Variants in NTM observed in about 807,000 individuals in gnomAD.
The protein encoded by NTM is neurotrimin.
Under a neutral mutation model 42.1 loss-of-function variants are expected in NTM, and 13 were observed. The ratio of observed to expected loss-of-function variants is 0.31; its 90% CI spans 0.20 to 0.49. The LOEUF is 0.49. NTM is among the 20% of genes least tolerant of loss of function. NTM has a pLI of 0.99. For synonymous variants in NTM, 187 were observed against 179.2 expected (o/e 1.04, Z -0.35); for missense variants, 373 against 452.8 (o/e 0.82, Z 1.60).
intron 2 of NTM, among the ~76,000 whole-genome samples, chr11:131,990,106 C>G (rs2066760938): frequency 6.6e-6 from 1 of 152,186 alleles, no homozygotes; most frequent in Non-Finnish European, 1.5e-5. Context: ...GTACATTTGG[C>G]AGAATAAATT....
At chr11:131,443,666 T>C (rs1486804537) in intron 1 of NTM, among the ~76,000 whole-genome samples, 6 of 152,194 alleles carry the variant, frequency 3.9e-5, no homozygotes, top group African/African-American at 1.4e-4. Flanking sequence ...TTTATTCAAT[T>C]TTAATGAGTA....
At chr11:132,295,369 G>T (rs74984494) in intron 4 of NTM, among the ~76,000 whole-genome samples, 4,186 of 152,112 alleles carry the variant, frequency 0.028, 201 homozygotes, top group African/African-American at 0.095. Context: ...CCCCTTCTAC[G>T]TGCTAAACCT....
chr11:132,273,228 C>G (rs1565356603), intron 4 of NTM, among the ~76,000 whole-genome samples: 2 of 149,110 alleles, frequency 1.3e-5, no homozygotes, highest in Non-Finnish European at 3.0e-5. Flanking sequence ...GATGTTGAAC[C>G]AATTTTGCAT....
Position 132,146,792 on chromosome 11 carries a change from C to T in NTM, c.400+278C>T. ...ATTGCTCTTCTTGGCTTTTTTCTCC[C>T]CTAAGTTTTAGTTATTTTTGTTTGT... On this transcript the variant is annotated intron_variant, in intron 3 of 8. Coordinates refer to ENST00000683400, the MANE Select transcript of NTM (RefSeq NM_001352005.2). This position sits in a 1 kb window ranked among gnomAD's most constrained non-coding sequence, Gnocchi z 4.5. 1 of 412,188 alleles carries T rather than the reference C, an allele frequency of 2.4e-6. No homozygotes were observed. The highest frequency in any genetic ancestry group is 4.3e-6 in the Non-Finnish European group (1 of 234,160). 25.5% of individuals were successfully genotyped at this position (412,188 alleles called of 1,614,324 possible).
intron 1 of NTM, among the ~76,000 whole-genome samples, chr11:131,515,297 T>C (rs543355022): frequency 6.6e-6 from 1 of 152,298 alleles, no homozygotes; most frequent in East Asian, 1.9e-4. Flanking sequence ...TGCACGTAGA[T>C]GGTGCTTGTC....
chr11:131,870,641 T>C (rs1325092171), intron 1 of NTM, among the ~76,000 whole-genome samples: 1 of 152,150 alleles, frequency 6.6e-6, no homozygotes, highest in African/African-American at 2.4e-5. Flanking sequence ...TCTATTCCCT[T>C]GAATCTTAAG....
At chr11:131,882,314 A>C (rs1205999089) in intron 1 of NTM, among the ~76,000 whole-genome samples, 1 of 152,226 alleles carries the variant, frequency 6.6e-6, no homozygotes, top group Non-Finnish European at 1.5e-5. Context: ...GTCCCAGCTC[A>C]GGTCCTCTGG....
intron 7 of NTM, among the ~76,000 whole-genome samples, chr11:132,315,516 G>GAGATTTTT (rs958676196): frequency 5.9e-5 from 9 of 152,182 alleles, no homozygotes; most frequent in Non-Finnish European, 1.0e-4. Context: ...CTTTGAGCTT[G>GAGATTTTT]AGATTTTTCA....
intron 1 of NTM, among the ~76,000 whole-genome samples, chr11:131,701,820 G>A (rs2076102343): frequency 6.6e-6 from 1 of 152,132 alleles, no homozygotes; most frequent in South Asian, 2.1e-4. Context: ...GGGAGGGGTG[G>A]AAATAGGGGT....
At chr11:131,522,620 T>TAC (rs1240315673) in intron 1 of NTM, among the ~76,000 whole-genome samples, 4 of 152,190 alleles carry the variant, frequency 2.6e-5, no homozygotes, top group Admixed American at 1.3e-4. Context: ...GTGCTGCAAA[T>TAC]ACGACCTACG....
intron 1 of NTM, among the ~76,000 whole-genome samples, chr11:131,563,469 C>T (rs2056483189): frequency 6.6e-6 from 1 of 152,108 alleles, no homozygotes; most frequent in Non-Finnish European, 1.5e-5. Context: ...CTCGTCCCTG[C>T]TCCCCTTTCT....
chr11:131,701,324 G>A (rs1380130113), intron 1 of NTM, among the ~76,000 whole-genome samples: 5 of 152,182 alleles, frequency 3.3e-5, no homozygotes, highest in Admixed American at 3.3e-4. Flanking sequence ...ATGAGAAACT[G>A]TATGTAAATC....
intron 1 of NTM, among the ~76,000 whole-genome samples, chr11:131,736,499 C>T (rs113693159): frequency 2.6e-5 from 4 of 152,166 alleles, no homozygotes; most frequent in Non-Finnish European, 5.9e-5. Flanking sequence ...CGGTGGGAGG[C>T]GTAGCCCTTT....
intron 8 of NTM, among the ~76,000 whole-genome samples, chr11:132,331,020 C>T (rs2095792919): frequency 1.3e-5 from 2 of 152,236 alleles, no homozygotes; most frequent in Admixed American, 1.3e-4. Context: ...TTCATTCATT[C>T]AGTGTGGGAT....
At chr11:132,087,952 G>A (rs541737799) in intron 2 of NTM, among the ~76,000 whole-genome samples, 1 of 152,188 alleles carries the variant, frequency 6.6e-6, no homozygotes, top group African/African-American at 2.4e-5. Context: ...AGGCCCCCTT[G>A]GGTCCCCGGC....
chr11:132,063,749 CCTT>C (rs1306002272), intron 2 of NTM, among the ~76,000 whole-genome samples: 1 of 152,184 alleles, frequency 6.6e-6, no homozygotes, highest in Non-Finnish European at 1.5e-5. Context: ...ACAGACGTGT[CCTT>C]CTTTCCCCTG....
chr11:131,699,912 GTGTGT>G (rs1354561597), intron 1 of NTM, among the ~76,000 whole-genome samples: 4 of 11,002 alleles, frequency 3.6e-4, no homozygotes, highest in African/African-American at 1.6e-3. Context: ...AGCAGCAGGT[GTGTGT>G]GTGTGTGTGT....
intron 2 of NTM, among the ~76,000 whole-genome samples, chr11:132,034,575 C>A (rs973440964): frequency 2.0e-5 from 3 of 152,180 alleles, no homozygotes; most frequent in African/African-American, 7.2e-5. Flanking sequence ...TTTGGGTTAA[C>A]CCTCAGCAAT....
At chr11:131,574,561 A>AGTGT (rs3040137) in intron 1 of NTM, among the ~76,000 whole-genome samples, 16,403 of 147,406 alleles carry the variant, frequency 0.11, 1,189 homozygotes, top group East Asian at 0.34. Flanking sequence ...TATGTGCTTG[A>AGTGT]GTGTGTGTGT....
Sources: allele counts gnomAD v4.1 joint callset (sites outside exome capture counted in the v4.1 genomes callset), GRCh38; gene constraint gnomAD v4.1.1; non-coding constraint Gnocchi (gnomAD v3.1); transcripts MANE v1.5; gene names NCBI Gene and HGNC (gene_info 2026-07-23, HGNC 2026-07-21).